The following ADAMTS3 variants were observed in gnomAD, a reference collection of about 807,000 sequenced individuals.
ADAMTS3 encodes the protein ADAM metallopeptidase with thrombospondin type 1 motif 3, also known as A disintegrin and metalloproteinase with thrombospondin motifs 3.
In ADAMTS3, 73 loss-of-function variants were observed where a neutral mutation model predicts 129.0. That is an observed-to-expected ratio of 0.57 (90% CI 0.47 to 0.69). The LOEUF is 0.69. Among genes scored for constraint, ADAMTS3 ranks in the 30% least tolerant of loss-of-function variants. ADAMTS3 has a pLI of 0.00. For missense variants in ADAMTS3, 1,457 were observed against 1,514.5 expected, an observed-to-expected ratio of 0.96 and a Z score of 0.63; for synonymous variants, 477 against 510.8, an observed-to-expected ratio of 0.93 and a Z score of 0.89.
intron 2 of ADAMTS3, among the ~76,000 whole-genome samples, chr4:72,561,939 C>T (rs1049637424): frequency 3.3e-5 from 5 of 152,166 alleles, no homozygotes; most frequent in Non-Finnish European, 7.4e-5. Flanking sequence ...ATGTAAACTT[C>T]TTTGGAAAAT....
intron 10 of ADAMTS3, among the ~76,000 whole-genome samples, chr4:72,317,214 G>C (rs1382050022): frequency 6.6e-6 from 1 of 152,022 alleles, no homozygotes; most frequent in Non-Finnish European, 1.5e-5. Context: ...TTTTAGATGT[G>C]GGTTTTTTGT....
At chr4:72,305,818 G>A (rs549538380) in intron 16 of ADAMTS3, among the ~76,000 whole-genome samples, 169 bp downstream of exon 16, 80 of 151,890 alleles carry the variant, frequency 5.3e-4, no homozygotes, top group African/African-American at 1.9e-3. Flanking sequence ...TCATGCACAT[G>A]TACGCACATA....
chr4:72,484,662 A>G (rs1024038349), intron 3 of ADAMTS3, among the ~76,000 whole-genome samples: 1 of 152,188 alleles, frequency 6.6e-6, no homozygotes, highest in Admixed American at 6.5e-5. Context: ...CATTTGTCAT[A>G]TAGGACAAAC....
chr4:72,358,821 G>A (rs182481928), intron 4 of ADAMTS3, among the ~76,000 whole-genome samples: 1 of 151,996 alleles, frequency 6.6e-6, no homozygotes, highest in Non-Finnish European at 1.5e-5. Flanking sequence ...TTGGATAGGA[G>A]ACATCTAAGT....
chr4:72,562,537 T>A (rs1029416880), intron 2 of ADAMTS3, among the ~76,000 whole-genome samples: 1 of 152,198 alleles, frequency 6.6e-6, no homozygotes, highest in African/African-American at 2.4e-5. Flanking sequence ...GAGTTTGTAA[T>A]TATGTTGAAA....
intron 3 of ADAMTS3, among the ~76,000 whole-genome samples, chr4:72,529,957 A>T (rs188687492): frequency 0.16 from 1,814 of 11,356 alleles, 128 homozygotes; most frequent in South Asian, 0.24. Flanking sequence ...TATAATATAT[A>T]ATATATTATA....
intron 3 of ADAMTS3, among the ~76,000 whole-genome samples, chr4:72,422,324 T>A (rs1553913804): frequency 6.6e-6 from 1 of 152,108 alleles, no homozygotes; most frequent in Non-Finnish European, 1.5e-5. Context: ...CTATATAACA[T>A]AAAGTCCTTC....
At chr4:72,531,889 G>A (rs1439267993) in intron 3 of ADAMTS3, among the ~76,000 whole-genome samples, 1 of 152,058 alleles carries the variant, frequency 6.6e-6, no homozygotes, top group Non-Finnish European at 1.5e-5. Context: ...CTGGGGAGAT[G>A]GCACTCATGT....
chr4:72,434,500 A>G (rs1478014536), intron 3 of ADAMTS3, among the ~76,000 whole-genome samples: 32 of 151,746 alleles, frequency 2.1e-4, no homozygotes, highest in Admixed American at 2.1e-3. Flanking sequence ...TACTAAATCT[A>G]AACCTCTGAG....
At chr4:72,323,223 G>T in intron 5 of ADAMTS3, 126 bp from the exon 6 acceptor site, 1 of 709,162 alleles carries the variant, frequency 1.4e-6, no homozygotes. Context: ...GAGTTTAATA[G>T]CTGAACTCTG....
At chr4:72,555,924 C>T (rs1427370057) in intron 2 of ADAMTS3, among the ~76,000 whole-genome samples, 1 of 151,612 alleles carries the variant, frequency 6.6e-6, no homozygotes, top group African/African-American at 2.4e-5. Context: ...ACCCTTCCAC[C>T]ATGATTGTAC....
chr4:72,331,162 C>G lies in ADAMTS3; in HGVS notation c.862-8065G>C, dbSNP rs146551421. ...GCAATACTGTGTGGATGTTGTGTTA[C>G]GTTAAGGTAACATGTGATGTGGGGA... On this transcript the variant is annotated intron_variant, in intron 5 of 21. Transcript: ENST00000286657. Among the ~76,000 whole-genome samples the G allele has an allele frequency of 1.5e-4, 23 of 152,204 alleles. No homozygotes were observed. In the East Asian group the frequency reaches 3.1e-3, roughly 21 times the overall value.
chr4:72,521,039 C>T (rs1004580366), intron 3 of ADAMTS3, among the ~76,000 whole-genome samples: 7 of 151,736 alleles, frequency 4.6e-5, no homozygotes, highest in Non-Finnish European at 7.4e-5. Flanking sequence ...GTTCAGTCAC[C>T]CAGACTGGAG....
intron 4 of ADAMTS3, among the ~76,000 whole-genome samples, chr4:72,401,678 T>C (rs1442160302): frequency 2.0e-5 from 3 of 151,916 alleles, no homozygotes; most frequent in Non-Finnish European, 2.9e-5. Flanking sequence ...GATAATTCTT[T>C]ATAAGATTAT....
chr4:72,550,047 AAGAGGAAGAGGAAGAGGAAGAGGAAGAG>A (rs1560564158), intron 2 of ADAMTS3, among the ~76,000 whole-genome samples: 2,748 of 18,240 alleles, frequency 0.15, 686 homozygotes, highest in South Asian at 0.22. Context: ...GAAGAAGAGG[AAGAGGAAGAGGAAGAGGAAGAGGAAGAG>A]GAAGAGGAAG....
intron 21 of ADAMTS3, among the ~76,000 whole-genome samples, chr4:72,284,291 A>G (rs1718441324): frequency 6.6e-6 from 1 of 152,024 alleles, no homozygotes; most frequent in South Asian, 2.1e-4. Flanking sequence ...AAAATACAAA[A>G]AAAATTAGCC....
intron 3 of ADAMTS3, among the ~76,000 whole-genome samples, chr4:72,509,699 T>C (rs1193614978): frequency 1.3e-5 from 2 of 151,856 alleles, no homozygotes; most frequent in African/African-American, 2.4e-5. Flanking sequence ...AAAGAACTAA[T>C]ACCAATCCTT....
At chr4:72,470,361 T>TTATATATATATATATATATA (rs143241307) in intron 3 of ADAMTS3, among the ~76,000 whole-genome samples, 70 of 116,446 alleles carry the variant, frequency 6.0e-4, no homozygotes, top group African/African-American at 1.4e-3. Context: ...TATTTTAAGT[T>TTATATATATATATATATATA]TATATATATA....
chr4:72,567,484 G>A, intron 1 of ADAMTS3, 83 bp from the exon 2 acceptor site: 1 of 1,410,946 alleles, frequency 7.1e-7, no homozygotes, highest in Non-Finnish European at 9.9e-7. Flanking sequence ...TACCATTAAT[G>A]GTTTCCAAGA....
Sources: gnomAD v4.1 joint callset for allele counts (sites outside exome capture counted in the v4.1 genomes callset) on GRCh38, gnomAD v4.1.1 for gene constraint, MANE v1.5 for transcripts, NCBI Gene and HGNC (gene_info 2026-07-23, HGNC 2026-07-21) for gene names.